FBXW7: variants seen among roughly 807,000 people sequenced by gnomAD.
The protein encoded by FBXW7 is F-box/WD repeat-containing protein 7.
Under a neutral mutation model 86.3 loss-of-function variants are expected in FBXW7, and 11 were observed. That is an observed-to-expected ratio of 0.13 (90% CI 0.08 to 0.21). The LOEUF (loss-of-function observed/expected upper bound fraction) is 0.21. Ranked by LOEUF, FBXW7 falls within the 10% of genes least tolerant of loss-of-function variation. FBXW7 has a pLI of 1.00. For synonymous variants in FBXW7, 313 were observed against 297.9 expected (o/e 1.05, Z -0.52); for missense variants, 488 against 847.4 (o/e 0.58, Z 5.27).
chr4:152,527,181 T>A (rs1326679660), intron 2 of FBXW7, among the ~76,000 whole-genome samples: 1 of 152,250 alleles, frequency 6.6e-6, no homozygotes. Flanking sequence ...CAACAGGTGA[T>A]GCCACCAAAA....
At chr4:152,423,307 T>C (rs972549849) in intron 2 of FBXW7, among the ~76,000 whole-genome samples, 3 of 152,240 alleles carry the variant, frequency 2.0e-5, no homozygotes, top group Non-Finnish European at 4.4e-5. Context: ...CTCAGTGCTA[T>C]AGACCACTTA....
chr4:152,403,384 A>C (rs140554860), intron 4 of FBXW7, among the ~76,000 whole-genome samples: 2,408 of 152,002 alleles, frequency 0.016, 68 homozygotes, highest in African/African-American at 0.055. Context: ...AGGCTGAGGC[A>C]GGATAATCGC....
intron 2 of FBXW7, among the ~76,000 whole-genome samples, chr4:152,470,654 A>T (rs919885283): frequency 6.6e-6 from 1 of 152,160 alleles, no homozygotes; most frequent in African/African-American, 2.4e-5. Flanking sequence ...TAATAAACTT[A>T]TAGTACAAAT....
At chr4:152,465,394 A>C (rs918021530) in intron 2 of FBXW7, among the ~76,000 whole-genome samples, 5 of 152,198 alleles carry the variant, frequency 3.3e-5, no homozygotes, top group African/African-American at 1.2e-4. Context: ...CATTTGATAT[A>C]AACAATTGGA....
intron 2 of FBXW7, among the ~76,000 whole-genome samples, chr4:152,520,294 G>A (rs909924121): frequency 5.9e-5 from 9 of 151,586 alleles, no homozygotes; most frequent in African/African-American, 1.9e-4. Context: ...TTAGCCGGGC[G>A]CGGTGGCGGG....
At chr4:152,459,656 T>C (rs994489682) in intron 2 of FBXW7, among the ~76,000 whole-genome samples, 1 of 152,190 alleles carries the variant, frequency 6.6e-6, no homozygotes, top group African/African-American at 2.4e-5. Context: ...CAGTGGATGC[T>C]TGAAACCACA....
rs139426214 is a variant in FBXW7, at chr4:152,422,163, T to C, written c.-119-9634A>G. ...AAAGTGATAACCTGATGCTTTATAATCTGAGTTCTTCTAGCCTCTTGAAAT... is the reference window on the plus strand; with the variant it reads ...AAAGTGATAACCTGATGCTTTATAACCTGAGTTCTTCTAGCCTCTTGAAAT... On this transcript the variant is annotated intron_variant, in intron 2 of 13. Coordinates refer to ENST00000281708, the MANE Select transcript of FBXW7 (RefSeq NM_001349798.2). 1.3e-3 allele frequency among the ~76,000 whole-genome samples: 195 copies of C among 152,304 alleles called. 1 individual carries two copies. Among genetic ancestry groups the C allele is most frequent in the African/African-American group, 4.5e-3 (187 of 41,568 alleles).
At chr4:152,527,507 CCTGTAATCT>C (rs1390403307) in intron 2 of FBXW7, among the ~76,000 whole-genome samples, 4 of 152,206 alleles carry the variant, frequency 2.6e-5, no homozygotes, top group African/African-American at 9.7e-5. Context: ...GTGGCCCCAG[CCTGTAATCT>C]CAACACTTTG....
At chr4:152,347,126 G>A in intron 5 of FBXW7, 55 bp from the exon 6 acceptor site, 7 of 1,457,622 alleles carry the variant, frequency 4.8e-6, no homozygotes, top group Non-Finnish European at 6.6e-6. Context: ...AAACAAAAGT[G>A]AAAGCAAAGA....
intron 2 of FBXW7, among the ~76,000 whole-genome samples, chr4:152,512,605 A>C (rs1175744339): frequency 2.0e-5 from 3 of 152,196 alleles, no homozygotes; most frequent in Non-Finnish European, 4.4e-5. Context: ...AGAACACTGA[A>C]AACATCGTGT....
chr4:152,507,147 A>G (rs1747502922), intron 2 of FBXW7, among the ~76,000 whole-genome samples: 3 of 152,346 alleles, frequency 2.0e-5, no homozygotes, highest in African/African-American at 2.4e-5. Context: ...AAAGACCGAA[A>G]TATTTATAGA....
chr4:152,414,674 G>A (rs1454075631), intron 2 of FBXW7, among the ~76,000 whole-genome samples: 1 of 152,082 alleles, frequency 6.6e-6, no homozygotes, highest in Non-Finnish European at 1.5e-5. Context: ...ATAATGGCTG[G>A]AGAAAAGAAC....
intron 2 of FBXW7, among the ~76,000 whole-genome samples, chr4:152,499,456 T>C (rs1004272218): frequency 2.0e-5 from 3 of 152,078 alleles, no homozygotes; most frequent in African/African-American, 4.8e-5. Context: ...CAAATACAGA[T>C]CAAGTCTATG....
rs534952361 is a variant in FBXW7 at position 152,531,998 on chromosome 4, C to A, written c.-120+2943G>T. 2.8e-4 allele frequency among the ~76,000 whole-genome samples: 42 copies of A among 152,288 alleles called. 1 individual carries two copies. The South Asian group carries it at 8.3e-3, about 30-fold the overall frequency. ...CAACTCTTATCCACTTCTAAAACAT[C>A]TATTTTAGGTAGTGTCTCATTCATT... On this transcript the variant is annotated intron_variant, in intron 2 of 13. Transcript: ENST00000281708.
intron 2 of FBXW7, among the ~76,000 whole-genome samples, chr4:152,514,664 A>G (rs930353680): frequency 6.6e-6 from 1 of 151,608 alleles, no homozygotes; most frequent in African/African-American, 2.4e-5. Flanking sequence ...AGAGCTTGGC[A>G]CCCCCTCTCC....
chr4:152,368,756 T>C (rs1297270906), intron 4 of FBXW7, among the ~76,000 whole-genome samples: 1 of 152,254 alleles, frequency 6.6e-6, no homozygotes, highest in African/African-American at 2.4e-5. Context: ...ATAACATGTA[T>C]TTTTAATTCT....
chr4:152,461,423 T>C (rs1215266702), intron 2 of FBXW7, among the ~76,000 whole-genome samples: 15 of 152,214 alleles, frequency 9.9e-5, no homozygotes, highest in Admixed American at 9.8e-4. Flanking sequence ...TTTATTGCTG[T>C]ACTGTAAATT....
chr4:152,325,969 T>A (rs2126490881), intron 12 of FBXW7, 37 bp downstream of exon 12: 1 of 1,544,096 alleles, frequency 6.5e-7, no homozygotes, highest in Non-Finnish European at 8.9e-7. Context: ...TTATGATTCA[T>A]CAGGAGAGCA....
intron 2 of FBXW7, among the ~76,000 whole-genome samples, chr4:152,413,565 T>C (rs115827036): frequency 0.012 from 1,762 of 152,242 alleles, 18 homozygotes; most frequent in Non-Finnish European, 0.018. Context: ...CAACTGAGTC[T>C]CCTTTCATGC....
Sources: allele counts gnomAD v4.1 joint callset (sites outside exome capture counted in the v4.1 genomes callset), GRCh38; gene constraint gnomAD v4.1.1; transcripts MANE v1.5; gene names NCBI Gene and HGNC (gene_info 2026-07-23, HGNC 2026-07-21).